The following C3orf70 variants were observed in gnomAD, a reference collection of about 807,000 sequenced individuals.
C3orf70 encodes the protein chromosome 3 open reading frame 70.
C3orf70 carries 15 observed loss-of-function variants against 20.7 expected under a neutral mutation model. That is an observed-to-expected ratio of 0.72 (90% confidence interval 0.48 to 1.11). The LOEUF (loss-of-function observed/expected upper bound fraction) is 1.11. Among genes scored for constraint, C3orf70 ranks in the 50% most tolerant of loss-of-function variants. The pLI, the probability that C3orf70 is intolerant of heterozygous loss-of-function variation, is 0.00. For missense variants in C3orf70, 332 were observed against 317.6 expected (o/e 1.05, Z -0.34); for synonymous variants, 161 against 125.7 (o/e 1.28, Z -1.88).
At chr3:185,111,113 G>C (rs971074364) in intron 1 of C3orf70, among the ~76,000 whole-genome samples, 1 of 152,110 alleles carries the variant, frequency 6.6e-6, no homozygotes, top group Non-Finnish European at 1.5e-5. Context: ...AACTCACAAT[G>C]CATCATGGAA....
At chr3:185,091,896 TACACACACACACA>T (rs1715580145) in intron 1 of C3orf70, among the ~76,000 whole-genome samples, 1 of 85,430 alleles carries the variant, frequency 1.2e-5, no homozygotes, top group Non-Finnish European at 2.2e-5. Context: ...TATACACACA[TACACACACACACA>T]TACATATATA....
intron 1 of C3orf70, among the ~76,000 whole-genome samples, chr3:185,119,825 A>G: frequency 6.6e-6 from 1 of 151,948 alleles, no homozygotes; most frequent in Admixed American, 6.6e-5. Flanking sequence ...AGAGATCGAG[A>G]CCATCCTGGC....
chr3:185,099,487 G>C (rs1406383435), intron 1 of C3orf70, among the ~76,000 whole-genome samples: 1 of 152,162 alleles, frequency 6.6e-6, no homozygotes, highest in Non-Finnish European at 1.5e-5. Context: ...ATAAGTGAAG[G>C]AGAAATAAGA....
chr3:185,138,789 C>G (rs1459401074), intron 1 of C3orf70, among the ~76,000 whole-genome samples: 2 of 152,104 alleles, frequency 1.3e-5, no homozygotes, highest in African/African-American at 4.8e-5. Flanking sequence ...AAATCTACTG[C>G]TAACATTATA....
At chr3:185,149,709 T>C (rs1461385362) in intron 1 of C3orf70, among the ~76,000 whole-genome samples, 1 of 152,190 alleles carries the variant, frequency 6.6e-6, no homozygotes, top group Admixed American at 6.5e-5. Flanking sequence ...ACTGAGGAGA[T>C]TGTAACAGAG....
intron 1 of C3orf70, among the ~76,000 whole-genome samples, chr3:185,091,918 T>C (rs1577318817): frequency 4.2e-4 from 2 of 4,732 alleles, no homozygotes; most frequent in Non-Finnish European, 7.1e-4. Flanking sequence ...CATACATATA[T>C]ATATATATAT....
At chr3:185,149,016 C>G (rs1716931045) in intron 1 of C3orf70, among the ~76,000 whole-genome samples, 1 of 152,210 alleles carries the variant, frequency 6.6e-6, no homozygotes, top group African/African-American at 2.4e-5. Flanking sequence ...ATAATCCTCT[C>G]ATTTTAGTAT....
intron 1 of C3orf70, among the ~76,000 whole-genome samples, chr3:185,116,264 C>T (rs1716170998): frequency 6.6e-6 from 1 of 152,180 alleles, no homozygotes; most frequent in South Asian, 2.1e-4. Context: ...GATCTCAACA[C>T]CACCTACTCT....
rs771250343 is a variant in C3orf70, at chr3:185,083,155, G to A, written c.605C>T (p.Ser202Leu). The A allele has an allele frequency of 2.2e-5, 36 of 1,613,986 alleles. No individual in the cohort carries two copies. The highest frequency in any genetic ancestry group is 3.3e-5 in the Admixed American group (2 of 60,002). The change falls in exon 2 of 2, where the codon TCG becomes TTG. Residue 202 changes from serine to leucine, a missense_variant. By Grantham distance (145) the Ser-to-Leu change is moderately radical. Transcript: ENST00000335012. ...TCCTTCTTCTGTGTCCTCGTCACAC[G>A]ATTCCACATAGTGAGCCCCAATCGC... Reference protein sequence around the residue: ...INAIGAHYVESCDEDTEEGAE... With the variant: ...INAIGAHYVELCDEDTEEGAE...
intron 1 of C3orf70, among the ~76,000 whole-genome samples, chr3:185,091,910 TACA>T (rs1217147580): frequency 2.1e-5 from 1 of 48,462 alleles, no homozygotes; most frequent in Admixed American, 3.4e-4. Flanking sequence ...CACACACACA[TACA>T]TATATATATA....
At chr3:185,135,026 A>T (rs949330875) in intron 1 of C3orf70, among the ~76,000 whole-genome samples, 5 of 152,220 alleles carry the variant, frequency 3.3e-5, no homozygotes, top group African/African-American at 1.2e-4. Flanking sequence ...CAAAAAAGCC[A>T]GCAAAAACAG....
intron 1 of C3orf70, among the ~76,000 whole-genome samples, chr3:185,126,204 G>A (rs144215065): frequency 1.3e-5 from 2 of 152,130 alleles, no homozygotes; most frequent in African/African-American, 2.4e-5. Flanking sequence ...TTTCAAGCCT[G>A]CTCTTTAACT....
At chr3:185,104,656 T>C (rs1715889157) in intron 1 of C3orf70, among the ~76,000 whole-genome samples, 1 of 150,656 alleles carries the variant, frequency 6.6e-6, no homozygotes, top group African/African-American at 2.5e-5. Context: ...TAAAAAAGAA[T>C]GAGATCAAGT....
intron 1 of C3orf70, among the ~76,000 whole-genome samples, chr3:185,136,354 A>C (rs1561363658): frequency 6.6e-6 from 1 of 152,134 alleles, no homozygotes. Context: ...TTGAGAGGCC[A>C]AGGCAGGTGG....
intron 1 of C3orf70, among the ~76,000 whole-genome samples, chr3:185,109,980 G>C (rs1716036148): frequency 6.6e-6 from 1 of 152,134 alleles, no homozygotes; most frequent in African/African-American, 2.4e-5. Flanking sequence ...AGCTTAAATT[G>C]CACCTGTCAG....
intron 1 of C3orf70, among the ~76,000 whole-genome samples, chr3:185,099,356 C>T (rs1715776780): frequency 6.6e-6 from 1 of 152,208 alleles, no homozygotes; most frequent in Non-Finnish European, 1.5e-5. Flanking sequence ...GGAAGTCCAT[C>T]AGACTAACTG....
At chr3:185,141,803 C>CAA (rs1716754323) in intron 1 of C3orf70, among the ~76,000 whole-genome samples, 1 of 113,724 alleles carries the variant, frequency 8.8e-6, no homozygotes, top group East Asian at 2.5e-4. Context: ...GCAAAGGAAA[C>CAA]ACACACACAC....
intron 1 of C3orf70, among the ~76,000 whole-genome samples, chr3:185,132,663 G>A (rs1419673994): frequency 6.6e-6 from 1 of 152,104 alleles, no homozygotes; most frequent in Non-Finnish European, 1.5e-5. Flanking sequence ...TCTAATCAAA[G>A]TTCCAGAAGA....
intron 1 of C3orf70, among the ~76,000 whole-genome samples, chr3:185,143,645 G>A (rs1349219196): frequency 6.6e-6 from 1 of 152,106 alleles, no homozygotes; most frequent in Non-Finnish European, 1.5e-5. Flanking sequence ...CTGTGAATTT[G>A]AGTAAAATAA....
Sources: gnomAD v4.1 joint callset for allele counts (sites outside exome capture counted in the v4.1 genomes callset) on GRCh38, gnomAD v4.1.1 for gene constraint, MANE v1.5 for transcripts, NCBI Gene and HGNC (gene_info 2026-07-23, HGNC 2026-07-21) for gene names.